The following GPLD1 variants were observed in gnomAD, a reference collection of about 807,000 sequenced individuals.
GPLD1 encodes phosphatidylinositol-glycan-specific phospholipase D.
In GPLD1, 84 loss-of-function variants were observed where a neutral mutation model predicts 112.6. That is an observed-to-expected ratio of 0.75 (90% CI 0.63 to 0.89). The LOEUF (loss-of-function observed/expected upper bound fraction) is 0.89. Among genes scored for constraint, GPLD1 ranks in the 40% least tolerant of loss-of-function variants. GPLD1 has a pLI of 0.00. For synonymous variants in GPLD1, 386 were observed against 403.8 expected, an observed-to-expected ratio of 0.96 and a Z score of 0.53; for missense variants, 1,044 against 1,051.5, an observed-to-expected ratio of 0.99 and a Z score of 0.10.
chr6:24,464,930 C>T (rs946102944), intron 10 of GPLD1, among the ~76,000 whole-genome samples: 4 of 151,932 alleles, frequency 2.6e-5, no homozygotes, highest in Non-Finnish European at 4.4e-5. Flanking sequence ...TGGTGGCTCA[C>T]GCCTGTAATC....
chr6:24,470,913 T>C (rs1763795489), intron 7 of GPLD1, among the ~76,000 whole-genome samples: 1 of 152,328 alleles, frequency 6.6e-6, no homozygotes, highest in East Asian at 1.9e-4. Flanking sequence ...TATTTCAAAA[T>C]TGTTAATTTT....
chr6:24,480,079 G>C, intron 2 of GPLD1, 120 bp from the exon 3 acceptor site: 1 of 639,916 alleles, frequency 1.6e-6, no homozygotes, highest in South Asian at 2.0e-5. Flanking sequence ...GAATGAAAGG[G>C]AAAAAGGAAG....
intron 8 of GPLD1, 78 bp from the exon 9 acceptor site, chr6:24,467,017 C>A: frequency 7.7e-7 from 1 of 1,305,014 alleles, no homozygotes; most frequent in South Asian, 1.2e-5. Flanking sequence ...AGAAAAAGTT[C>A]CATCCACCCT....
chr6:24,474,977 A>G, intron 5 of GPLD1, 144 bp downstream of exon 5: 1 of 532,452 alleles, frequency 1.9e-6, no homozygotes, highest in Non-Finnish European at 3.4e-6. Flanking sequence ...CAAATTGGAA[A>G]AGATGGGACT....
At chr6:24,424,834 TATG>T (rs1762173955), downstream of GPLD1, 1 of 152,206 alleles carries the variant, frequency 6.6e-6, no homozygotes, top group Non-Finnish European at 1.5e-5. Flanking sequence ...TGTGATGTCA[TATG>T]AGGAAGTTTA....
intron 13 of GPLD1, among the ~76,000 whole-genome samples, chr6:24,455,563 A>G (rs1159283256): frequency 3.9e-5 from 6 of 152,104 alleles, no homozygotes; most frequent in African/African-American, 7.2e-5. Context: ...TTGGGGGCTT[A>G]GTTTTGGTTG....
intron 2 of GPLD1, among the ~76,000 whole-genome samples, chr6:24,480,328 G>GT (rs747207081): frequency 6.6e-4 from 100 of 151,350 alleles, no homozygotes; most frequent in Middle Eastern, 3.4e-3. Context: ...TGTTGCTGTT[G>GT]TTGTTTGTTT....
intron 24 of GPLD1, among the ~76,000 whole-genome samples, chr6:24,431,177 C>T (rs1040024411): frequency 6.6e-6 from 1 of 152,164 alleles, no homozygotes; most frequent in South Asian, 2.1e-4. Flanking sequence ...AAATGGGTCA[C>T]TTAAATTATT....
chr6:24,461,333 AAAAAAG>A (rs758520116), intron 11 of GPLD1, among the ~76,000 whole-genome samples: 13 of 152,116 alleles, frequency 8.5e-5, no homozygotes, highest in Non-Finnish European at 5.9e-5. Flanking sequence ...TTTGCTAGGA[AAAAAAG>A]AAAAAGAAAA....
chr6:24,456,314 T>A (rs1424541050), intron 13 of GPLD1, among the ~76,000 whole-genome samples, 184 bp downstream of exon 13: 1 of 152,074 alleles, frequency 6.6e-6, no homozygotes, highest in Non-Finnish European at 1.5e-5. Context: ...AGAGAATCAC[T>A]TGAACCTGGG....
rs780658952 is a variant in GPLD1 at position 24,462,806 on chromosome 6, A to C, written c.822-11T>G. The C allele has an allele frequency of 4.8e-5, 77 of 1,591,454 alleles. No individual in the cohort carries two copies. The highest frequency in any genetic ancestry group is 6.1e-5 in the Non-Finnish European group (71 of 1,159,530). On this transcript the variant is annotated splice_polypyrimidine_tract_variant and intron_variant, in intron 10 of 24. Coordinates refer to ENST00000230036, the MANE Select transcript of GPLD1 (RefSeq NM_001503.4). ...GGCAGGTTGCAGTCACTGAGGAAAC[A>C]GTCAAATGAGTTAGCCATTTATCTA...
At chr6:24,460,955 C>G (rs146271018) in intron 11 of GPLD1, among the ~76,000 whole-genome samples, 2,501 of 152,146 alleles carry the variant, frequency 0.016, 32 homozygotes, top group African/African-American at 0.041. Context: ...GTTGGCCAGG[C>G]TGGGCTCGAA....
chr6:24,439,394 G>T (rs911957532), intron 20 of GPLD1, among the ~76,000 whole-genome samples: 4 of 152,172 alleles, frequency 2.6e-5, no homozygotes, highest in African/African-American at 9.7e-5. Flanking sequence ...TACATATTTT[G>T]ATATCCCTCT....
intron 10 of GPLD1, among the ~76,000 whole-genome samples, chr6:24,463,191 T>TAA (rs11433455): frequency 4.5e-4 from 68 of 151,884 alleles, no homozygotes; most frequent in African/African-American, 1.5e-3. Flanking sequence ...TTCATTTCTT[T>TAA]AAAAAAAATT....
intron 3 of GPLD1, among the ~76,000 whole-genome samples, chr6:24,477,676 G>A (rs559527295): frequency 2.6e-5 from 4 of 152,072 alleles, no homozygotes; most frequent in African/African-American, 4.8e-5. Context: ...GCTGTAATGA[G>A]CTGTGATTGC....
At chr6:24,437,778 C>A (rs890791418) in intron 20 of GPLD1, among the ~76,000 whole-genome samples, 1 of 152,190 alleles carries the variant, frequency 6.6e-6, no homozygotes, top group Non-Finnish European at 1.5e-5. Flanking sequence ...GTGCTCTCTG[C>A]CTGGAATAGA....
chr6:24,482,019 C>A (rs9467193), intron 2 of GPLD1, among the ~76,000 whole-genome samples: 3,199 of 151,496 alleles, frequency 0.021, 92 homozygotes, highest in African/African-American at 0.071. Flanking sequence ...AAAAATTATG[C>A]CAAAGAGCAA....
At chr6:24,472,354 G>T (rs1414243977) in intron 7 of GPLD1, among the ~76,000 whole-genome samples, 2 of 152,282 alleles carry the variant, frequency 1.3e-5, no homozygotes, top group South Asian at 2.1e-4. Flanking sequence ...AAGTTAAGAT[G>T]ATCATTTTGA....
At chr6:24,479,225 C>G (rs939218167) in intron 3 of GPLD1, among the ~76,000 whole-genome samples, 14 of 152,126 alleles carry the variant, frequency 9.2e-5, no homozygotes, top group African/African-American at 1.4e-4. Context: ...ACTTCTCCCC[C>G]ACACAGAAAC....
Sources: gnomAD v4.1 joint callset for allele counts (sites outside exome capture counted in the v4.1 genomes callset) on GRCh38, gnomAD v4.1.1 for gene constraint, MANE v1.5 for transcripts, NCBI Gene and HGNC (gene_info 2026-07-23, HGNC 2026-07-21) for gene names.